Variants in HDAC9 observed in about 807,000 individuals in gnomAD.
The protein encoded by HDAC9 is MEF-2 interacting transcription repressor (MITR) protein.
Under a neutral mutation model 139.4 loss-of-function variants are expected in HDAC9, and 41 were observed. The ratio of observed to expected loss-of-function variants is 0.29; its 90% confidence interval spans 0.23 to 0.38. The LOEUF is 0.38. Ranked by LOEUF, HDAC9 falls within the 10% of genes least tolerant of loss-of-function variation. HDAC9 has a pLI of 1.00. For synonymous variants in HDAC9, 517 were observed against 476.2 expected (o/e 1.09, Z -1.12); for missense variants, 1,147 against 1,297.0 (o/e 0.88, Z 1.78).
At position 18,879,059 on chromosome 7, in the gene HDAC9, A is replaced by G. The variant is rs942917519; in HGVS notation, c.2803+4463A>G. Among the ~76,000 whole-genome samples, 4 of 152,156 alleles carry G rather than the reference A, an allele frequency of 2.6e-5. No individual in the cohort carries two copies. The South Asian group carries it at 8.3e-4, about 31-fold the overall frequency. Reference sequence around the variant, plus strand: ...AATGAGAAAGGCAATCCCATTCACAACTGTCACAGAAAGAATAAAACACCT... The same window carrying G: ...AATGAGAAAGGCAATCCCATTCACAGCTGTCACAGAAAGAATAAAACACCT... On this transcript the variant is annotated intron_variant, in intron 22 of 25. Coordinates refer to ENST00000686413, the MANE Select transcript of HDAC9 (RefSeq NM_178425.4).
At chr7:18,104,798 A>G (rs1341242018) in intron 1 of HDAC9, among the ~76,000 whole-genome samples, 1 of 152,112 alleles carries the variant, frequency 6.6e-6, no homozygotes, top group African/African-American at 2.4e-5. Flanking sequence ...AAGGGAGATC[A>G]CAAATTGGCA....
intron 2 of HDAC9, among the ~76,000 whole-genome samples, chr7:18,529,468 T>C (rs1014587670): frequency 8.5e-5 from 13 of 152,226 alleles, no homozygotes; most frequent in African/African-American, 2.9e-4. Context: ...GGTATTTACA[T>C]GAATGCTTGT....
intron 2 of HDAC9, among the ~76,000 whole-genome samples, chr7:18,545,966 T>C (rs912160045): frequency 3.3e-5 from 5 of 152,188 alleles, no homozygotes; most frequent in African/African-American, 1.2e-4. Flanking sequence ...TGGTGCAAGT[T>C]TACTTCCTCA....
chr7:18,839,084 G>A (rs59951772), intron 21 of HDAC9, among the ~76,000 whole-genome samples: 4,018 of 151,984 alleles, frequency 0.026, 184 homozygotes, highest in African/African-American at 0.09. Flanking sequence ...TAATTGAAGG[G>A]TATACTTAAG....
intron 2 of HDAC9, among the ~76,000 whole-genome samples, chr7:18,497,817 T>A (rs1347200952): frequency 6.6e-6 from 1 of 152,146 alleles, no homozygotes; most frequent in Non-Finnish European, 1.5e-5. Context: ...AGTTTGATAT[T>A]TTTTTTCATA....
intron 21 of HDAC9, among the ~76,000 whole-genome samples, chr7:18,845,647 C>G (rs541560128): frequency 3.3e-5 from 5 of 152,022 alleles, no homozygotes; most frequent in Admixed American, 6.6e-5. Context: ...TGTTTGGTCT[C>G]ATAGTTCTTT....
intron 2 of HDAC9, among the ~76,000 whole-genome samples, chr7:18,168,745 G>C (rs1330273013): frequency 2.6e-5 from 4 of 152,014 alleles, no homozygotes; most frequent in Non-Finnish European, 5.9e-5. Flanking sequence ...GTCATATTTT[G>C]AGAATGTCAA....
At chr7:18,126,334 G>A (rs1349389189) in intron 1 of HDAC9, among the ~76,000 whole-genome samples, 2 of 152,060 alleles carry the variant, frequency 1.3e-5, no homozygotes, top group South Asian at 2.1e-4. Context: ...GAATGATAGC[G>A]TTGGGTCAGT....
intron 23 of HDAC9, among the ~76,000 whole-genome samples, chr7:18,939,614 A>T (rs1781883876): frequency 6.6e-6 from 1 of 152,210 alleles, no homozygotes; most frequent in African/African-American, 2.4e-5. Context: ...ATTCTTTTAG[A>T]AAAGTAATAT....
intron 1 of HDAC9, among the ~76,000 whole-genome samples, chr7:18,453,253 A>G (rs968466040): frequency 2.0e-5 from 3 of 152,086 alleles, no homozygotes; most frequent in African/African-American, 7.2e-5. Context: ...ATACTGTATT[A>G]ATTCTAAAGT....
At chr7:18,957,871 T>C (rs1157121204) in intron 24 of HDAC9, among the ~76,000 whole-genome samples, 1 of 152,112 alleles carries the variant, frequency 6.6e-6, no homozygotes, top group Non-Finnish European at 1.5e-5. Flanking sequence ...GTGCTGCAGT[T>C]TGCAACGACA....
intron 2 of HDAC9, among the ~76,000 whole-genome samples, chr7:18,184,833 AT>A (rs1210827337): frequency 1.3e-5 from 2 of 152,180 alleles, no homozygotes; most frequent in Non-Finnish European, 2.9e-5. Flanking sequence ...ATAGTACTGT[AT>A]TTTTGTGCTA....
At chr7:18,718,087 A>G (rs558912899) in intron 12 of HDAC9, among the ~76,000 whole-genome samples, 8 of 152,218 alleles carry the variant, frequency 5.3e-5, no homozygotes, top group African/African-American at 1.9e-4. Context: ...GAACATTTTC[A>G]TCACCGCCCA....
intron 1 of HDAC9, among the ~76,000 whole-genome samples, chr7:18,306,712 G>C (rs909439813): frequency 2.0e-5 from 3 of 152,174 alleles, no homozygotes; most frequent in Non-Finnish European, 4.4e-5. Context: ...GCAGGATTAA[G>C]TCTTAACTCC....
intron 2 of HDAC9, among the ~76,000 whole-genome samples, chr7:18,563,337 T>G (rs2128714871): frequency 6.6e-6 from 1 of 152,310 alleles, no homozygotes; most frequent in Admixed American, 6.5e-5. Flanking sequence ...ATCTTTTTTT[T>G]TCCATCCTGT....
intron 2 of HDAC9, among the ~76,000 whole-genome samples, chr7:18,272,119 G>T (rs1796392461): frequency 1.3e-5 from 2 of 152,156 alleles, no homozygotes; most frequent in Admixed American, 1.3e-4. Context: ...AGATTATTAT[G>T]GAATGGCAGT....
At chr7:18,704,194 G>T (rs900362623) in intron 12 of HDAC9, among the ~76,000 whole-genome samples, 4 of 152,212 alleles carry the variant, frequency 2.6e-5, no homozygotes, top group Admixed American at 6.5e-5. Flanking sequence ...GCCTTAGCCA[G>T]ATTTAATTTG....
intron 16 of HDAC9, among the ~76,000 whole-genome samples, chr7:18,778,226 A>T (rs934339653): frequency 6.6e-6 from 1 of 152,072 alleles, no homozygotes; most frequent in Non-Finnish European, 1.5e-5. Context: ...TGCCAAGAGC[A>T]TTCTCTTTTT....
chr7:18,339,056 G>T (rs1781795691), intron 1 of HDAC9, among the ~76,000 whole-genome samples: 1 of 151,390 alleles, frequency 6.6e-6, no homozygotes, highest in Non-Finnish European at 1.5e-5. Context: ...AAAGTTGTTG[G>T]TAATATTCTC....
Sources: allele counts gnomAD v4.1 joint callset (sites outside exome capture counted in the v4.1 genomes callset), GRCh38; gene constraint gnomAD v4.1.1; transcripts MANE v1.5; gene names NCBI Gene and HGNC (gene_info 2026-07-23, HGNC 2026-07-21).